Variants in INPP5D observed in about 807,000 individuals in gnomAD.
INPP5D encodes the protein phosphatidylinositol 3,4,5-trisphosphate 5-phosphatase 1.
INPP5D carries 33 observed loss-of-function variants against 122.9 expected under a neutral mutation model. The observed-to-expected ratio is 0.27, with a 90% CI of 0.20 to 0.36. The LOEUF (loss-of-function observed/expected upper bound fraction) is 0.36. Ranked by LOEUF, INPP5D falls within the 10% of genes least tolerant of loss-of-function variation. The pLI, the probability that INPP5D is intolerant of heterozygous loss-of-function variation, is 1.00. For synonymous variants in INPP5D, 584 were observed against 576.2 expected, an observed-to-expected ratio of 1.01 and a Z score of -0.19; for missense variants, 1,053 against 1,412.7, an observed-to-expected ratio of 0.75 and a Z score of 4.08.
intron 5 of INPP5D, among the ~76,000 whole-genome samples, chr2:233,136,466 G>A (rs1396024930): frequency 8.8e-5 from 13 of 147,210 alleles, no homozygotes; most frequent in South Asian, 2.2e-4. Context: ...ATGACAGAGC[G>A]AGACCGCGTT....
In INPP5D at chr2:233,184,507, C is replaced by T. The variant is rs758855683; in HGVS notation, c.2261C>T (p.Ser754Leu). 9 of 1,613,870 alleles carry T rather than the reference C, an allele frequency of 5.6e-6. No homozygotes were observed. In the African/African-American group the frequency reaches 1.1e-4, roughly 19 times the overall value. The change falls in exon 20 of 27, where the codon TCG becomes TTG. Residue 754 changes from serine to leucine, a missense_variant. This residue lies in a region of INPP5D where 258 missense variants were observed against 439.1 expected (regional missense o/e 0.59). Transcript: ENST00000445964. ...SQTKFYLEFHSSCLESFVKSQ... is the reference protein window; with the variant it reads ...SQTKFYLEFHLSCLESFVKSQ... ...ACCAAATTCTACCTGGAGTTCCACT[C>T]GAGCTGCTTGGAGAGTAAGTGGCTG...
At chr2:233,159,607 T>A (rs555712283) in intron 10 of INPP5D, among the ~76,000 whole-genome samples, 1 of 142,688 alleles carries the variant, frequency 7.0e-6, no homozygotes, top group African/African-American at 2.6e-5. Context: ...AGTGGGAGGA[T>A]CGCTTGAACC....
At position 233,147,607 on chromosome 2, in the gene INPP5D, G is replaced by A. The variant is rs754196753; in HGVS notation, c.1030+13G>A. On this transcript the variant is annotated intron_variant, in intron 9 of 26. Transcript: ENST00000445964. Reference sequence around the variant, plus strand: ...AGCCACAAGAAAAGTAAGACCCCTCGTGCCTATCAACCACTGCCCCTCACC... The same window carrying A: ...AGCCACAAGAAAAGTAAGACCCCTCATGCCTATCAACCACTGCCCCTCACC... 25 of 703,462 alleles carry A rather than the reference G, an allele frequency of 3.6e-5. No individual in the cohort carries two copies. Among genetic ancestry groups the A allele is most frequent in the East Asian group, 5.3e-5 (2 of 37,404 alleles). The allele number at this position is 703,462 out of a possible 1,614,324, so 43.6% of individuals were successfully genotyped here.
At chr2:233,179,701 G>A (rs112099242) in intron 18 of INPP5D, among the ~76,000 whole-genome samples, 1 of 152,174 alleles carries the variant, frequency 6.6e-6, no homozygotes, top group Non-Finnish European at 1.5e-5. Flanking sequence ...ATTTCATTGA[G>A]TGCCAGAGGG....
intron 9 of INPP5D, among the ~76,000 whole-genome samples, chr2:233,152,783 G>T (rs2106285169): frequency 6.6e-6 from 1 of 152,346 alleles, no homozygotes; most frequent in South Asian, 2.1e-4. Context: ...ACAGGGGCCA[G>T]GCATGTGGGC....
chr2:233,200,940 G>C (rs1695313295), intron 25 of INPP5D, among the ~76,000 whole-genome samples: 1 of 151,270 alleles, frequency 6.6e-6, no homozygotes, highest in East Asian at 1.9e-4. Context: ...TAGCCTGGGT[G>C]ACAGAGCAAG....
intron 5 of INPP5D, among the ~76,000 whole-genome samples, chr2:233,136,197 G>T (rs1250099223): frequency 6.6e-6 from 1 of 152,190 alleles, no homozygotes; most frequent in African/African-American, 2.4e-5. Context: ...TAAATAGAAG[G>T]CCGGGCCTAG....
In INPP5D at chr2:233,198,046, C is replaced by G; in HGVS notation, c.2694-49C>G. ...CACTTTCCTTGGGCTGGTGCTGACC[C>G]CGAGAAGGGAAGGGACCCCTGAGAT... On this transcript the variant is annotated intron_variant, in intron 24 of 26. Transcript: ENST00000445964. 3.3e-6 allele frequency: 5 copies of G among 1,494,974 alleles called. No individual in the cohort carries two copies. The South Asian group carries it at 6.7e-5, about 20-fold the overall frequency. 92.6% of individuals were successfully genotyped at this position (1,494,974 alleles called of 1,614,324 possible).
intron 5 of INPP5D, among the ~76,000 whole-genome samples, chr2:233,131,693 C>T (rs1693332404): frequency 2.0e-5 from 3 of 152,142 alleles, no homozygotes; most frequent in Admixed American, 2.0e-4. Flanking sequence ...GAGCAAGACT[C>T]CGTCTCAAAT....
rs74444807 is a variant in INPP5D at position 233,066,268 on chromosome 2, C to G, written c.134+5656C>G. 5.0e-3 allele frequency among the ~76,000 whole-genome samples: 762 copies of G among 152,344 alleles called. 15 individuals carry two copies. The highest frequency in any genetic ancestry group is 0.036 in the East Asian group (185 of 5,176). Reference sequence around the variant, plus strand: ...TGCACGCAGCCTCACATCAGCACCTCTCAATCAATTGGTGCCATCTCCCTG... The same window carrying G: ...TGCACGCAGCCTCACATCAGCACCTGTCAATCAATTGGTGCCATCTCCCTG... On this transcript the variant is annotated intron_variant, in intron 1 of 26. Transcript: ENST00000445964.
chr2:233,137,850 AAAAATATATATATATATATATATATATAT>A (rs1271725087), intron 5 of INPP5D, among the ~76,000 whole-genome samples: 19 of 13,288 alleles, frequency 1.4e-3, no homozygotes, highest in African/African-American at 3.6e-3. Flanking sequence ...AAAAAAAAAA[AAAAATATATATATATATATATATATATAT>A]ATATATATAT....
chr2:233,139,884 G>T lies in INPP5D; in HGVS notation c.708G>T (p.Arg236Ser), dbSNP rs1484812536. ...TCCCATCCCTGGAGTCTCTGCAGAG[G>T]TTATTTGACCAGCAGCTCTCCCCGG... ...RTLPSLESLQRLFDQQLSPGL... is the reference protein window; with the variant it reads ...RTLPSLESLQSLFDQQLSPGL... The change falls in exon 6 of 27, where the codon AGG becomes AGT. Residue 236 changes from arginine to serine, a missense_variant. Coordinates refer to ENST00000445964, the MANE Select transcript of INPP5D (RefSeq NM_001017915.3). 2.5e-6 allele frequency: 1 copy of T among 398,730 alleles called. No individual in the cohort carries two copies. Among genetic ancestry groups the T allele is most frequent in the African/African-American group, 2.1e-5 (1 of 48,624 alleles). 24.7% of individuals were successfully genotyped at this position (398,730 alleles called of 1,614,324 possible).
In INPP5D at chr2:233,204,555, C is replaced by A. The variant is rs1041533716; in HGVS notation, c.3405C>A (p.Pro1135=). The A allele has an allele frequency of 1.2e-5, 19 of 1,572,294 alleles. No individual in the cohort carries two copies. The highest frequency in any genetic ancestry group is 6.0e-6 in the Non-Finnish European group (7 of 1,160,566). ...SRSEINQQTP[P]TPTPRPPLPV... is the part of the protein sequence containing the mutation. ...CGGAAATCAACCAGCAGACCCCGCC[C>A]ACCCCGACGCCGCGGCCGCCGCTGC... The change falls in exon 26 of 27, where the codon CCC becomes CCA. Residue 1135 remains proline, a synonymous_variant. Transcript: ENST00000445964.
intron 3 of INPP5D, 94 bp from the exon 4 acceptor site, chr2:233,125,651 G>A (rs1265130908): frequency 1.2e-5 from 13 of 1,083,564 alleles, no homozygotes; most frequent in South Asian, 4.7e-5. Flanking sequence ...GATCAATAAC[G>A]TGGGTGTCGT....
intron 25 of INPP5D, among the ~76,000 whole-genome samples, chr2:233,200,252 G>A (rs763322126): frequency 2.6e-5 from 4 of 152,244 alleles, no homozygotes; most frequent in Non-Finnish European, 1.5e-5. Flanking sequence ...CTGGAACAGA[G>A]CAGAGCCAAC....
rs1049325643 is a variant in INPP5D, at chr2:233,184,734, G to C, written c.2275+213G>C. Reference sequence around the variant, plus strand: ...CCTGTGCAGCCCTAGGGGCAGGGGTGGCCATGAATGTACTGACCCCCCAGT... The same window carrying C: ...CCTGTGCAGCCCTAGGGGCAGGGGTCGCCATGAATGTACTGACCCCCCAGT... On this transcript the variant is annotated intron_variant, in intron 20 of 26. Transcript: ENST00000445964. 4.6e-5 allele frequency among the ~76,000 whole-genome samples: 7 copies of C among 152,188 alleles called. 1 individual carries two copies. Among genetic ancestry groups the C allele is most frequent in the African/African-American group, 1.7e-4 (7 of 41,444 alleles).
Position 233,198,107 on chromosome 2 carries a change from C to T in INPP5D, c.2706C>T (p.Cys902=). The T allele has an allele frequency of 6.2e-7, 1 of 1,604,956 alleles. No homozygotes were observed. The highest frequency in any genetic ancestry group is 1.3e-5 in the African/African-American group (1 of 74,824). Residue 902 remains cysteine (C), a synonymous_variant, in exon 25 of 27, where the codon TGC becomes TGT. Coordinates refer to ENST00000445964, the MANE Select transcript of INPP5D (RefSeq NM_001017915.3). ...GTCCTCCCTGCAGGGCCCCTCCGTG[C>T]AGTGGCTCCAGCATCACTGAAATCA... ...QWEVTSRAPP[C]SGSSITEIIN...
chr2:233,110,008 C>T (rs1361477170), intron 2 of INPP5D, among the ~76,000 whole-genome samples: 4 of 152,030 alleles, frequency 2.6e-5, no homozygotes, highest in Non-Finnish European at 5.9e-5. Flanking sequence ...TTTCAGCCTC[C>T]CAAGTAGCTG....
intron 13 of INPP5D, among the ~76,000 whole-genome samples, chr2:233,165,241 CTA>C (rs1016985680): frequency 6.6e-6 from 1 of 152,048 alleles, no homozygotes; most frequent in Non-Finnish European, 1.5e-5. Context: ...CACCCCATAT[CTA>C]TGAGTGTGTG....
Sources: gnomAD v4.1 joint callset for allele counts (sites outside exome capture counted in the v4.1 genomes callset) on GRCh38, gnomAD v4.1.1 for gene constraint, gnomAD v4.1.1 regional missense constraint, MANE v1.5 for transcripts, NCBI Gene and HGNC (gene_info 2026-07-23, HGNC 2026-07-21) for gene names.